The following TRPM2 variants were observed in gnomAD, a reference collection of about 807,000 sequenced individuals.
TRPM2 encodes the protein transient receptor potential cation channel subfamily M member 2.
A neutral mutation model predicts 174.0 loss-of-function variants in TRPM2; 161 were observed. That is an observed-to-expected ratio of 0.93 (90% CI 0.81 to 1.05). TRPM2 has a LOEUF of 1.05. Among genes scored for constraint, TRPM2 ranks in the 50% least tolerant of loss-of-function variants. The pLI is 0.00. For synonymous variants in TRPM2, 954 were observed against 861.3 expected (o/e 1.11, Z -1.88); for missense variants, 2,057 against 2,038.0 (o/e 1.01, Z -0.18).
chr21:44,387,570 T>C, intron 9 of TRPM2, among the ~76,000 whole-genome samples: 1 of 152,176 alleles, frequency 6.6e-6, no homozygotes, highest in Admixed American at 6.5e-5. Flanking sequence ...AATTAAATAA[T>C]TTTGTGCATC....
intron 2 of TRPM2, among the ~76,000 whole-genome samples, chr21:44,357,919 C>T (rs1047811362): frequency 4.6e-5 from 7 of 152,202 alleles, no homozygotes; most frequent in African/African-American, 1.7e-4. Context: ...GAAGAGGGAC[C>T]AGGTGTGTTC....
At chr21:44,392,769 G>A (rs1047371663) in intron 11 of TRPM2, among the ~76,000 whole-genome samples, 2 of 152,134 alleles carry the variant, frequency 1.3e-5, no homozygotes, top group African/African-American at 2.4e-5. Context: ...CAGTACAAAA[G>A]GTTCTGCAGG....
chr21:44,351,287 G>C (rs2122996861), upstream of TRPM2, among the ~76,000 whole-genome samples: 46 of 152,348 alleles, frequency 3.0e-4, no homozygotes, highest in African/African-American at 1.1e-3. Context: ...TGCCATGCGG[G>C]ACCCCCGGGG....
At chr21:44,363,460 G>T (rs912410650) in intron 2 of TRPM2, among the ~76,000 whole-genome samples, 1 of 151,406 alleles carries the variant, frequency 6.6e-6, no homozygotes, top group Non-Finnish European at 1.5e-5. Flanking sequence ...CCATCCTGCT[G>T]TTAGGTCCAT....
At chr21:44,369,452 C>A in intron 5 of TRPM2, 109 bp downstream of exon 5, 1 of 1,193,750 alleles carries the variant, frequency 8.4e-7, no homozygotes, top group Non-Finnish European at 1.1e-6. Context: ...GTGTGGGTGA[C>A]GTCTGACCGG....
At chr21:44,437,450 C>T (rs1601264146) in intron 29 of TRPM2, among the ~76,000 whole-genome samples, 1 of 152,166 alleles carries the variant, frequency 6.6e-6, no homozygotes, top group African/African-American at 2.4e-5. Context: ...CGGCTGGAGG[C>T]CACCTGGGCT....
At chr21:44,421,740 A>G (rs2050558274) in intron 22 of TRPM2, among the ~76,000 whole-genome samples, 1 of 152,130 alleles carries the variant, frequency 6.6e-6, no homozygotes, top group Non-Finnish European at 1.5e-5. Flanking sequence ...GTGAGACCCC[A>G]TCTCTACAAA....
At chr21:44,429,276 TTC>T (rs1417361019) in intron 27 of TRPM2, among the ~76,000 whole-genome samples, 121 of 139,846 alleles carry the variant, frequency 8.7e-4, no homozygotes, top group African/African-American at 3.0e-3. Flanking sequence ...TTTTTTCTTT[TTC>T]TTTTTTTTTT....
In TRPM2 at chr21:44,400,514, G is replaced by C. The variant is rs1265395519; in HGVS notation, c.2321+143G>C. ...ATTGTCCCTGGATCCTGGGGCTGTA[G>C]AGATGGGGGTGGGAAGCAGAGCAGG... is the stretch of plus-strand genomic sequence containing the variant. On this transcript the variant is annotated intron_variant, in intron 15 of 31. Transcript: ENST00000397928. 3 of 752,312 alleles carry C rather than the reference G, an allele frequency of 4.0e-6. No homozygotes were observed. In the African/African-American group the frequency reaches 5.3e-5, roughly 13 times the overall value. 46.6% of individuals were successfully genotyped at this position (752,312 alleles called of 1,614,324 possible). A position where few individuals can be genotyped will look rare whatever the true frequency, so the allele number is the denominator to read the frequency against.
Position 44,437,049 on chromosome 21 carries a change from GCT to G in TRPM2, c.4062-7_4062-6del, listed in dbSNP as rs2051297041. On this transcript the variant is annotated splice_polypyrimidine_tract_variant and intron_variant, in intron 28 of 31. Coordinates refer to ENST00000397928, the MANE Select transcript of TRPM2 (RefSeq NM_003307.4). ...CAGCGGGTCCTGGGCAGCCATGGCC[GCT>G]CTCTCCGCAGGTGGAGGCGGAACGA... 2 of 1,548,376 alleles carry G rather than the reference GCT, an allele frequency of 1.3e-6. No individual in the cohort carries two copies. Among genetic ancestry groups the G allele is most frequent in the Non-Finnish European group, 8.7e-7 (1 of 1,146,154 alleles).
chr21:44,380,561 C>T (rs748849278), intron 8 of TRPM2, among the ~76,000 whole-genome samples: 2 of 152,232 alleles, frequency 1.3e-5, no homozygotes, highest in African/African-American at 4.8e-5. Flanking sequence ...CACACACAGC[C>T]GTCAGGCCTC....
rs761507373 is a variant in TRPM2 at position 44,406,661 on chromosome 21, A to G, written c.2858A>G (p.Gln953Arg). ...VWVVSFGVAK[Q>R]AILIHNERRV... ...GTGGTGTCCTTCGGGGTGGCCAAGC[A>G]GGCCATCCTCATCCACAACGAGCGC... is the stretch of plus-strand genomic sequence containing the variant. Residue 953 changes from glutamine (Q) to arginine (R), a missense_variant, in exon 19 of 32, where the codon CAG (glutamine) becomes CGG (arginine). Coordinates refer to ENST00000397928, the MANE Select transcript of TRPM2 (RefSeq NM_003307.4). 1 of 1,610,380 alleles carries G rather than the reference A, an allele frequency of 6.2e-7. No individual in the cohort carries two copies. Among genetic ancestry groups the G allele is most frequent in the Non-Finnish European group, 8.5e-7 (1 of 1,179,412 alleles).
chr21:44,385,037 C>A (rs1192951512), intron 9 of TRPM2, among the ~76,000 whole-genome samples: 1 of 152,128 alleles, frequency 6.6e-6, no homozygotes, highest in Non-Finnish European at 1.5e-5. Context: ...AATTCTTCAA[C>A]AAAATATTAG....
chr21:44,419,437 T>C (rs1181453089), intron 22 of TRPM2, among the ~76,000 whole-genome samples: 1 of 151,762 alleles, frequency 6.6e-6, no homozygotes, highest in Non-Finnish European at 1.5e-5. Context: ...CTGTAAAGAA[T>C]TGAGCACATA....
intron 22 of TRPM2, among the ~76,000 whole-genome samples, chr21:44,421,233 G>A (rs1038211105): frequency 1.3e-5 from 2 of 151,974 alleles, no homozygotes; most frequent in Admixed American, 6.6e-5. Context: ...CAGGAGAATC[G>A]CTTGAACCCA....
intron 2 of TRPM2, among the ~76,000 whole-genome samples, chr21:44,355,332 C>T (rs1308814693): frequency 1.3e-5 from 2 of 152,234 alleles, no homozygotes; most frequent in Non-Finnish European, 2.9e-5. Flanking sequence ...CCGCAGTTGG[C>T]GCCCCTTTAG....
Position 44,418,511 on chromosome 21 carries a change from G to A in TRPM2, c.3417G>A (p.Gln1139=). ...ACTACCTCCAGAACCGACAGTTCCAGCAAAAGCAGCGGCCCGAGCAGAAGA... is the reference window on the plus strand; with the variant it reads ...ACTACCTCCAGAACCGACAGTTCCAACAAAAGCAGCGGCCCGAGCAGAAGA... The part of the protein sequence containing the change: ...KENYLQNRQF[Q]QKQRPEQKIE... Residue 1139 remains glutamine, a synonymous_variant, in exon 22 of 32, where the codon CAG becomes CAA. Transcript: ENST00000397928. The A allele has an allele frequency of 1.2e-6, 2 of 1,614,132 alleles. No homozygotes were observed. The highest frequency in any genetic ancestry group is 1.7e-6 in the Non-Finnish European group (2 of 1,180,022).
Position 44,378,981 on chromosome 21 carries a change from C to A in TRPM2, c.1015-16C>A. 3 of 1,600,088 alleles carry A rather than the reference C, an allele frequency of 1.9e-6. No individual in the cohort carries two copies. Among genetic ancestry groups the A allele is most frequent in the Non-Finnish European group, 2.5e-6 (3 of 1,178,186 alleles). On this transcript the variant is annotated splice_polypyrimidine_tract_variant and intron_variant, in intron 7 of 31. Coordinates refer to ENST00000397928, the MANE Select transcript of TRPM2 (RefSeq NM_003307.4). ...GAGGACCCAGTCCCGGGCTCACACCCCCACCTGCCTTGCAGACCATCGACA... is the reference window on the plus strand; with the variant it reads ...GAGGACCCAGTCCCGGGCTCACACCACCACCTGCCTTGCAGACCATCGACA...
At chr21:44,353,984 T>A in intron 1 of TRPM2, 119 bp downstream of exon 1, 1 of 1,255,840 alleles carries the variant, frequency 8.0e-7, no homozygotes, top group Non-Finnish European at 1.1e-6. Context: ...CCTTGGGGGC[T>A]CCTGCCCAAC....
Sources: allele counts gnomAD v4.1 joint callset (sites outside exome capture counted in the v4.1 genomes callset), GRCh38; gene constraint gnomAD v4.1.1; transcripts MANE v1.5; gene names NCBI Gene and HGNC (gene_info 2026-07-23, HGNC 2026-07-21).